The following GDAP1 variants were observed in gnomAD, a reference collection of about 807,000 sequenced individuals.
The protein encoded by GDAP1 is ganglioside-induced differentiation-associated protein 1.
A neutral mutation model predicts 40.1 loss-of-function variants in GDAP1; 34 were observed. That is an observed-to-expected ratio of 0.85 (90% CI 0.64 to 1.13). GDAP1 has a LOEUF of 1.13. GDAP1 is among the 50% of genes most tolerant of loss of function. GDAP1 has a pLI of 0.00. For synonymous variants in GDAP1, 170 were observed against 157.4 expected, an observed-to-expected ratio of 1.08 and a Z score of -0.60; for missense variants, 374 against 433.7, an observed-to-expected ratio of 0.86 and a Z score of 1.22.
intron 2 of GDAP1, among the ~76,000 whole-genome samples, chr8:74,467,034 T>C (rs1450522175): frequency 1.3e-5 from 2 of 152,254 alleles, no homozygotes; most frequent in East Asian, 3.9e-4. Flanking sequence ...TACATAGGAA[T>C]AGGGAAAAGA....
chr8:74,448,013 C>T (rs549941039), intron 2 of GDAP1, among the ~76,000 whole-genome samples: 1 of 152,220 alleles, frequency 6.6e-6, no homozygotes, highest in South Asian at 2.1e-4. Flanking sequence ...CAACCTGCAG[C>T]AAATTAAAGA....
At chr8:74,427,877 C>G (rs1339864696) in intron 2 of GDAP1, among the ~76,000 whole-genome samples, 1 of 152,022 alleles carries the variant, frequency 6.6e-6, no homozygotes, top group Non-Finnish European at 1.5e-5. Context: ...CATATATTAC[C>G]TATTAATTTT....
chr8:74,396,436 A>G (rs942459893), intron 2 of GDAP1, among the ~76,000 whole-genome samples: 4 of 151,856 alleles, frequency 2.6e-5, no homozygotes, highest in African/African-American at 9.7e-5. Context: ...TACATGTGCC[A>G]TGCTGGTGTG....
intron 2 of GDAP1, among the ~76,000 whole-genome samples, chr8:74,423,255 A>C: frequency 6.8e-6 from 1 of 147,364 alleles, no homozygotes; most frequent in East Asian, 1.9e-4. Context: ...TATATATAAT[A>C]GTATATGTGA....
intron 2 of GDAP1, among the ~76,000 whole-genome samples, chr8:74,383,361 C>T (rs1809981616): frequency 6.6e-6 from 1 of 152,158 alleles, no homozygotes; most frequent in Non-Finnish European, 1.5e-5. Context: ...TTAAATTGAC[C>T]TGGACTTGTT....
rs1363361318 is a variant in GDAP1 at position 74,366,840 on chromosome 8, A to G, written c.*2473A>G. The G allele has an allele frequency of 2.3e-6, 1 of 441,540 alleles. No individual in the cohort carries two copies. The highest frequency in any genetic ancestry group is 2.5e-5 in the Admixed American group (1 of 39,460). The allele number at this position is 441,540 out of a possible 1,614,324, so 27.4% of individuals were successfully genotyped here. ...AAGACACTATTCTGTAAGATCAATA[A>G]AAGTAATTGGAAAATAAATATGAAC... On this transcript the variant is annotated 3_prime_UTR_variant, in exon 6 of 6. Transcript: ENST00000220822.
intron 2 of GDAP1, among the ~76,000 whole-genome samples, chr8:74,403,983 G>A (rs146675984): frequency 0.013 from 1,886 of 150,104 alleles, 42 homozygotes; most frequent in Middle Eastern, 0.024. Context: ...AAGATCATAG[G>A]ATAGTATTTT....
downstream of GDAP1, among the ~76,000 whole-genome samples, chr8:74,369,425 A>G (rs946709483): frequency 2.6e-5 from 4 of 152,226 alleles, no homozygotes; most frequent in Non-Finnish European, 5.9e-5. Flanking sequence ...AATTAAAACC[A>G]TTAAAAGAAA....
intron 5 of GDAP1, 37 bp downstream of exon 5, chr8:74,363,090 A>G (rs1170748022): frequency 2.2e-6 from 2 of 921,988 alleles, no homozygotes; most frequent in South Asian, 1.3e-5. Context: ...TCTTTTCAAC[A>G]TCAGTATTAT....
Position 74,362,952 on chromosome 8 carries a change from A to T in GDAP1, c.593A>T (p.Asp198Val). Residue 198 changes from aspartate (D) to valine (V), a missense_variant, in exon 5 of 6, where the codon GAT (aspartate) becomes GTT (valine). Coordinates refer to ENST00000220822, the MANE Select transcript of GDAP1 (RefSeq NM_018972.4). ...KQKRLKSKLL[D>V]HDNVKYLKKI... The stretch of plus-strand genomic sequence containing the variant: ...GTGGTTAATTAGTCAAAGCTGCTTG[A>T]TCATGACAATGTCAAGTATTTGAAG... The T allele has an allele frequency of 5.3e-6, 8 of 1,516,668 alleles. No homozygotes were observed. The highest frequency in any genetic ancestry group is 7.3e-6 in the Non-Finnish European group (8 of 1,091,166). The allele number at this position is 1,516,668 out of a possible 1,614,324, so 94.0% of individuals were successfully genotyped here. A position where few individuals can be genotyped will look rare whatever the true frequency, so the allele number is the denominator to read the frequency against.
At chr8:74,462,614 T>C (rs1386718793) in intron 2 of GDAP1, among the ~76,000 whole-genome samples, 1 of 152,214 alleles carries the variant, frequency 6.6e-6, no homozygotes, top group Non-Finnish European at 1.5e-5. Context: ...CTGTCAATAC[T>C]TCAAGACATT....
chr8:74,456,358 T>C (rs2131578134), intron 2 of GDAP1, among the ~76,000 whole-genome samples: 1 of 152,104 alleles, frequency 6.6e-6, no homozygotes, highest in Admixed American at 6.6e-5. Flanking sequence ...TAGCCCAATT[T>C]CTTTACCAGA....
At chr8:74,370,125 C>T (rs529221144), downstream of GDAP1, among the ~76,000 whole-genome samples, 1 of 152,224 alleles carries the variant, frequency 6.6e-6, no homozygotes, top group Admixed American at 6.5e-5. Flanking sequence ...AAACCAAATC[C>T]ACAGAGAGGG....
chr8:74,424,210 T>A (rs1805919315), intron 2 of GDAP1, among the ~76,000 whole-genome samples: 1 of 152,150 alleles, frequency 6.6e-6, no homozygotes, highest in Non-Finnish European at 1.5e-5. Flanking sequence ...TATAAATAAT[T>A]GTTATACTGT....
At chr8:74,466,204 A>G (rs1806467701) in intron 2 of GDAP1, among the ~76,000 whole-genome samples, 1 of 152,236 alleles carries the variant, frequency 6.6e-6, no homozygotes, top group African/African-American at 2.4e-5. Context: ...CTTGTATCCA[A>G]AGGATATTGA....
Position 74,475,304 on chromosome 8 carries a change from C to T in GDAP1, c.166-13374C>T, listed in dbSNP as rs117913074. On this transcript the variant is annotated intron_variant, in intron 2 of 2. Transcript: ENST00000523640. ...GTCCTTTGGTTAAGCTCTGATTTTG[C>T]TTATTCCTTGTCTCTGCTAGCTTTG... 4.0e-4 allele frequency among the ~76,000 whole-genome samples: 60 copies of T among 151,320 alleles called. 2 individuals carry two copies. The East Asian group carries it at 0.011, about 29-fold the overall frequency.
At chr8:74,441,485 T>C (rs1806162103) in intron 2 of GDAP1, among the ~76,000 whole-genome samples, 1 of 152,148 alleles carries the variant, frequency 6.6e-6, no homozygotes, top group South Asian at 2.1e-4. Flanking sequence ...GAAGACTTAG[T>C]GAATAAAAAG....
Position 74,452,313 on chromosome 8 carries a change from C to T in GDAP1, c.166-36365C>T, listed in dbSNP as rs1250634323. ...CTTTGTTCTTTAAGCCAATATTTTG[C>T]GCTACATTTGTGACTATTTTGGCCA... On this transcript the variant is annotated intron_variant, in intron 2 of 2. Coordinates refer to the GDAP1 transcript ENST00000523640. Among the ~76,000 whole-genome samples, 15 of 83,132 alleles carry T rather than the reference C, an allele frequency of 1.8e-4. 6 individuals are homozygous for T. The highest frequency in any genetic ancestry group is 3.2e-4 in the Non-Finnish European group (13 of 41,168). 54.5% of individuals were successfully genotyped at this position (83,132 alleles called of 152,430 possible).
chr8:74,428,254 TAAC>T, intron 2 of GDAP1, among the ~76,000 whole-genome samples: 3 of 72,594 alleles, frequency 4.1e-5, no homozygotes, highest in East Asian at 8.5e-4. Context: ...ACAACAACAA[TAAC>T]AACAACAACA....
Sources: gnomAD v4.1 joint callset for allele counts (sites outside exome capture counted in the v4.1 genomes callset) on GRCh38, gnomAD v4.1.1 for gene constraint, MANE v1.5 for transcripts, NCBI Gene and HGNC (gene_info 2026-07-23, HGNC 2026-07-21) for gene names.